NREP: variants seen among roughly 807,000 people sequenced by gnomAD.
The protein encoded by NREP is neuronal regeneration related protein.
A neutral mutation model predicts 8.6 loss-of-function variants in NREP; 5 were observed. The observed-to-expected ratio is 0.58, with a 90% CI of 0.30 to 1.22. The LOEUF (loss-of-function observed/expected upper bound fraction) is 1.22. Among genes scored for constraint, NREP ranks in the 50% most tolerant of loss-of-function variants. The pLI, the probability that NREP is intolerant of heterozygous loss-of-function variation, is 0.07. For missense variants in NREP, 86 were observed against 82.5 expected (o/e 1.04, Z -0.17); for synonymous variants, 27 against 28.0 (o/e 0.96, Z 0.11).
intron 2 of NREP, chr5:111,912,710 C>T (rs1018379917): frequency 1.3e-5 from 2 of 152,066 alleles, no homozygotes; most frequent in Non-Finnish European, 2.9e-5. Flanking sequence ...AATATTCTGT[C>T]ACATTCAACA....
At chr5:111,922,882 G>T (rs1335534541) in intron 2 of NREP, among the ~76,000 whole-genome samples, 1 of 152,102 alleles carries the variant, frequency 6.6e-6, no homozygotes, top group African/African-American at 2.4e-5. Context: ...AGATTAGAGG[G>T]GCTTCAAGGG....
chr5:111,799,607 C>T (rs1363124685), intron 2 of NREP, among the ~76,000 whole-genome samples: 1 of 152,154 alleles, frequency 6.6e-6, no homozygotes, highest in Non-Finnish European at 1.5e-5. Context: ...TGTTGTATTG[C>T]ATAAGCAAAT....
chr5:111,915,663 C>T (rs1330838159), intron 2 of NREP, among the ~76,000 whole-genome samples: 2 of 152,044 alleles, frequency 1.3e-5, no homozygotes, highest in Admixed American at 6.6e-5. Context: ...ATACCACAAC[C>T]CAACATTCCC....
chr5:111,852,622 A>G (rs1207665953), intron 2 of NREP, among the ~76,000 whole-genome samples: 3 of 152,104 alleles, frequency 2.0e-5, no homozygotes, highest in Non-Finnish European at 4.4e-5. Context: ...CATCCCATCA[A>G]TGACCTTGGG....
At chr5:111,916,346 A>AG (rs1755057086) in intron 2 of NREP, among the ~76,000 whole-genome samples, 1 of 151,854 alleles carries the variant, frequency 6.6e-6, no homozygotes, top group East Asian at 1.9e-4. Context: ...GAGCCCTCCA[A>AG]GCTACAGCAT....
intron 2 of NREP, among the ~76,000 whole-genome samples, chr5:111,861,127 G>C (rs1030432635): frequency 6.6e-6 from 1 of 152,204 alleles, no homozygotes; most frequent in South Asian, 2.1e-4. Context: ...TGCTCTGAAA[G>C]TAGGAAGTAC....
At chr5:111,883,268 G>C (rs1212770322) in intron 2 of NREP, among the ~76,000 whole-genome samples, 1 of 152,174 alleles carries the variant, frequency 6.6e-6, no homozygotes, top group East Asian at 1.9e-4. Context: ...AATGAGAAGA[G>C]CTAACTATCC....
chr5:111,882,659 G>C (rs1754116008), intron 2 of NREP, among the ~76,000 whole-genome samples: 1 of 152,228 alleles, frequency 6.6e-6, no homozygotes, highest in African/African-American at 2.4e-5. Flanking sequence ...AGCCAGAAAA[G>C]AGTGGGGGCC....
intron 2 of NREP, among the ~76,000 whole-genome samples, chr5:111,848,127 T>C (rs1006294863): frequency 6.6e-6 from 1 of 152,180 alleles, no homozygotes; most frequent in Admixed American, 6.5e-5. Flanking sequence ...GTCTGATTTA[T>C]GGTCTTGGGT....
At chr5:111,975,621 T>G (rs1237243823) in intron 1 of NREP, among the ~76,000 whole-genome samples, 1 of 152,110 alleles carries the variant, frequency 6.6e-6, no homozygotes, top group Admixed American at 6.6e-5. Context: ...AAAAGGTGTT[T>G]GACAAAGAAA....
intron 2 of NREP, among the ~76,000 whole-genome samples, chr5:111,925,689 A>T (rs1755365728): frequency 6.6e-6 from 1 of 152,174 alleles, no homozygotes; most frequent in African/African-American, 2.4e-5. Context: ...CCTTTCCATG[A>T]AAGCCAAGGG....
chr5:111,774,298 A>G (rs919311396), intron 2 of NREP, among the ~76,000 whole-genome samples: 4 of 152,032 alleles, frequency 2.6e-5, no homozygotes, highest in Non-Finnish European at 4.4e-5. Flanking sequence ...AGAAGAAGGG[A>G]AAAAGACATA....
At chr5:111,847,204 C>T (rs1028097646) in intron 2 of NREP, among the ~76,000 whole-genome samples, 18 of 151,970 alleles carry the variant, frequency 1.2e-4, no homozygotes, top group Non-Finnish European at 2.1e-4. Context: ...TTATTTCTGA[C>T]AGTTCTAGAG....
intron 2 of NREP, among the ~76,000 whole-genome samples, chr5:111,826,017 A>G (rs1752614868): frequency 1.3e-5 from 2 of 150,776 alleles, no homozygotes; most frequent in African/African-American, 4.9e-5. Flanking sequence ...GCAGTGGCAC[A>G]GTCTCAGCTC....
intron 2 of NREP, among the ~76,000 whole-genome samples, chr5:111,782,884 G>A (rs1751525617): frequency 6.6e-6 from 1 of 151,908 alleles, no homozygotes; most frequent in Non-Finnish European, 1.5e-5. Context: ...ACAGTCATAT[G>A]GCACCAAACC....
At chr5:111,926,791 C>T (rs1354936631) in intron 2 of NREP, among the ~76,000 whole-genome samples, 1 of 151,754 alleles carries the variant, frequency 6.6e-6, no homozygotes, top group Non-Finnish European at 1.5e-5. Flanking sequence ...TGGGGGCTTC[C>T]CCACTACTAT....
At chr5:111,780,714 AG>A (rs1751473352) in intron 2 of NREP, among the ~76,000 whole-genome samples, 2 of 152,196 alleles carry the variant, frequency 1.3e-5, no homozygotes, top group South Asian at 4.1e-4. Flanking sequence ...CAGAAAAAGC[AG>A]GAGCTAATAG....
intron 2 of NREP, among the ~76,000 whole-genome samples, chr5:111,876,663 G>C (rs1204439535): frequency 2.6e-5 from 4 of 152,190 alleles, no homozygotes; most frequent in African/African-American, 7.2e-5. Flanking sequence ...AAAGTTGTGA[G>C]GATGAGGCAC....
chr5:111,833,192 T>C (rs960797880), intron 2 of NREP, among the ~76,000 whole-genome samples: 3 of 152,164 alleles, frequency 2.0e-5, no homozygotes, highest in Admixed American at 6.6e-5. Flanking sequence ...TGTGAAAATC[T>C]CTCCAAAATG....
Sources: gnomAD v4.1 joint callset for allele counts (sites outside exome capture counted in the v4.1 genomes callset) on GRCh38, gnomAD v4.1.1 for gene constraint, MANE v1.5 for transcripts, NCBI Gene and HGNC (gene_info 2026-07-23, HGNC 2026-07-21) for gene names.